The following ANO3 variants were observed in gnomAD, a reference collection of about 807,000 sequenced individuals.
ANO3 encodes the protein anoctamin-3.
Under a neutral mutation model 144.8 loss-of-function variants are expected in ANO3, and 99 were observed. That is an observed-to-expected ratio of 0.68 (90% CI 0.58 to 0.81). ANO3 has a LOEUF of 0.81. Ranked by LOEUF, ANO3 falls within the 30% of genes least tolerant of loss-of-function variation. The pLI, the probability that ANO3 is intolerant of heterozygous loss-of-function variation, is 0.00. For synonymous variants in ANO3, 414 were observed against 392.6 expected (o/e 1.05, Z -0.64); for missense variants, 905 against 1,202.2 (o/e 0.75, Z 3.66).
intron 1 of ANO3, among the ~76,000 whole-genome samples, chr11:26,407,676 G>T (rs7941142): frequency 6.6e-6 from 1 of 151,732 alleles, no homozygotes; most frequent in Non-Finnish European, 1.5e-5. Context: ...CCTTAAATAC[G>T]AATTAAACCA....
chr11:26,293,533 G>GTA (rs59115569), intron 1 of ANO3, among the ~76,000 whole-genome samples: 20 of 25,928 alleles, frequency 7.7e-4, no homozygotes, highest in African/African-American at 2.7e-3. Context: ...TAAATTCCAT[G>GTA]TATATATATA....
At chr11:26,330,172 C>T (rs1316780556), upstream of ANO3, among the ~76,000 whole-genome samples, 2 of 152,040 alleles carry the variant, frequency 1.3e-5, no homozygotes, top group African/African-American at 2.4e-5. Flanking sequence ...TTGTCTAATC[C>T]TCACGTAGGA....
Position 26,598,853 on chromosome 11 carries a change from C to T in ANO3, c.1531-5C>T, listed in dbSNP as rs1851714550. 6.2e-7 allele frequency: 1 copy of T among 1,610,934 alleles called. No homozygotes were observed. The highest frequency in any genetic ancestry group is 1.1e-5 in the South Asian group (1 of 90,432). On this transcript the variant is annotated splice_region_variant and splice_polypyrimidine_tract_variant and intron_variant, in intron 15 of 26. Coordinates refer to ENST00000256737, the MANE Select transcript of ANO3 (RefSeq NM_031418.4). ...ATATTTAGATAACTTTCGTTTCTCT[C>T]ATAGGAAACACTTCGTCCCCAGTTT...
intron 24 of ANO3, among the ~76,000 whole-genome samples, chr11:26,655,586 T>A (rs1853660126): frequency 6.6e-6 from 1 of 152,166 alleles, no homozygotes; most frequent in East Asian, 1.9e-4. Flanking sequence ...TTATGTTTAT[T>A]GTGTGCATCT....
At chr11:26,309,629 T>C (rs924304114) in exon 1 of ANO3, 2 of 984,626 alleles carry the variant, frequency 2.0e-6, no homozygotes, top group South Asian at 4.7e-5. Flanking sequence ...TTTTTCTCTT[T>C]TGTTCTCTCT....
intron 1 of ANO3, among the ~76,000 whole-genome samples, chr11:26,313,808 A>G (rs1047730989): frequency 1.7e-4 from 25 of 151,290 alleles, no homozygotes; most frequent in African/African-American, 6.1e-4. Context: ...AATGCTATGT[A>G]AATGTATGCT....
intron 1 of ANO3, among the ~76,000 whole-genome samples, chr11:26,239,779 T>A (rs113724653): frequency 0.011 from 1,713 of 152,332 alleles, 35 homozygotes; most frequent in African/African-American, 0.039. Context: ...CAATGAGTAA[T>A]AAATAATGAA....
chr11:26,377,457 C>A (rs1265607711), intron 1 of ANO3, among the ~76,000 whole-genome samples: 1 of 151,930 alleles, frequency 6.6e-6, no homozygotes, highest in Non-Finnish European at 1.5e-5. Context: ...AGAGAATCAA[C>A]ATAGATGAAG....
At chr11:26,575,313 A>G (rs898747717) in intron 14 of ANO3, among the ~76,000 whole-genome samples, 35 of 151,928 alleles carry the variant, frequency 2.3e-4, no homozygotes, top group Admixed American at 2.0e-3. Flanking sequence ...TTTTAAGGTA[A>G]GAGCCTAATG....
intron 1 of ANO3, among the ~76,000 whole-genome samples, chr11:26,407,332 C>T (rs1337352694): frequency 1.3e-5 from 2 of 151,482 alleles, no homozygotes; most frequent in African/African-American, 4.8e-5. Context: ...AAATGACTTT[C>T]GTTTCCTTCT....
chr11:26,341,406 G>A (rs1267516561), intron 1 of ANO3, among the ~76,000 whole-genome samples: 1 of 152,158 alleles, frequency 6.6e-6, no homozygotes, highest in Admixed American at 6.5e-5. Context: ...TACACAGTAA[G>A]TAATCATGGG....
At chr11:26,595,095 G>T (rs1351024914) in intron 14 of ANO3, among the ~76,000 whole-genome samples, 1 of 152,186 alleles carries the variant, frequency 6.6e-6, no homozygotes, top group Non-Finnish European at 1.5e-5. Flanking sequence ...ATTTTCCAAT[G>T]AGCTTTAGTC....
intron 1 of ANO3, among the ~76,000 whole-genome samples, chr11:26,406,517 G>GTTTGGCA (rs1198922019): frequency 2.0e-5 from 3 of 151,806 alleles, no homozygotes; most frequent in Non-Finnish European, 4.4e-5. Flanking sequence ...TGGAAAACCA[G>GTTTGGCA]TTTGGCATAG....
chr11:26,350,059 G>T (rs192487290), intron 1 of ANO3, among the ~76,000 whole-genome samples: 2 of 150,552 alleles, frequency 1.3e-5, no homozygotes, highest in African/African-American at 4.8e-5. Context: ...AGGAACGGAA[G>T]GGGGAGGAGA....
At chr11:26,382,812 G>A (rs1415146713) in intron 1 of ANO3, among the ~76,000 whole-genome samples, 1 of 152,158 alleles carries the variant, frequency 6.6e-6, no homozygotes, top group East Asian at 1.9e-4. Context: ...TTCTGTAGTT[G>A]TGAAAACATT....
intron 1 of ANO3, among the ~76,000 whole-genome samples, chr11:26,314,618 T>C (rs928299804): frequency 6.6e-6 from 1 of 152,128 alleles, no homozygotes; most frequent in Non-Finnish European, 1.5e-5. Flanking sequence ...TCTTCTTCTG[T>C]ATATTAGTTT....
At chr11:26,413,433 A>C (rs892880455) in intron 1 of ANO3, among the ~76,000 whole-genome samples, 15 of 152,010 alleles carry the variant, frequency 9.9e-5, no homozygotes, top group Admixed American at 3.9e-4. Flanking sequence ...AGATAACTTA[A>C]ATGCATTTCC....
At chr11:26,299,785 G>A (rs568118455) in intron 1 of ANO3, among the ~76,000 whole-genome samples, 1 of 152,218 alleles carries the variant, frequency 6.6e-6, no homozygotes, top group South Asian at 2.1e-4. Context: ...TGGAAGAGAT[G>A]GCCTTTGTTG....
intron 1 of ANO3, among the ~76,000 whole-genome samples, chr11:26,313,366 TAG>T (rs749334203): frequency 4.4e-4 from 67 of 152,172 alleles, no homozygotes; most frequent in Non-Finnish European, 7.6e-4. Context: ...CGTAATTTCT[TAG>T]AGTCTCTTAA....
Sources: allele counts gnomAD v4.1 joint callset (sites outside exome capture counted in the v4.1 genomes callset), GRCh38; gene constraint gnomAD v4.1.1; transcripts MANE v1.5; gene names NCBI Gene and HGNC (gene_info 2026-07-23, HGNC 2026-07-21).